ADAM12: variants seen among roughly 807,000 people sequenced by gnomAD.
The protein encoded by ADAM12 is ADAM metallopeptidase domain 12.
ADAM12 carries 70 observed loss-of-function variants against 106.4 expected under a neutral mutation model. The ratio of observed to expected loss-of-function variants is 0.66; its 90% CI spans 0.54 to 0.80. ADAM12 has a LOEUF of 0.80. Ranked by LOEUF, ADAM12 falls within the 30% of genes least tolerant of loss-of-function variation. The pLI is 0.00. For missense variants in ADAM12, 1,010 were observed against 1,171.9 expected (o/e 0.86, Z 2.02); for synonymous variants, 420 against 433.5 (o/e 0.97, Z 0.39).
chr10:126,359,280 C>G (rs1462511259), intron 1 of ADAM12, among the ~76,000 whole-genome samples: 32 of 152,282 alleles, frequency 2.1e-4, no homozygotes, highest in Non-Finnish European at 8.8e-5. Flanking sequence ...CCTCACATTT[C>G]AAAACCAATC....
chr10:126,209,153 A>G (rs1259285381), intron 3 of ADAM12, among the ~76,000 whole-genome samples: 1 of 152,250 alleles, frequency 6.6e-6, no homozygotes, highest in Non-Finnish European at 1.5e-5. Context: ...CTATCAACAT[A>G]GGAGGGATAT....
chr10:126,110,968 C>T (rs565216483), intron 6 of ADAM12, among the ~76,000 whole-genome samples: 2 of 152,318 alleles, frequency 1.3e-5, no homozygotes, highest in Admixed American at 6.5e-5. Flanking sequence ...TATAACCACT[C>T]TTTCAGACAA....
chr10:126,237,696 T>C (rs182430829), intron 3 of ADAM12, among the ~76,000 whole-genome samples: 12 of 152,340 alleles, frequency 7.9e-5, no homozygotes, highest in Non-Finnish European at 1.8e-4. Context: ...ATGAAAATCA[T>C]ACGTTTGTAG....
chr10:126,125,734 G>A (rs934100850), intron 5 of ADAM12, among the ~76,000 whole-genome samples: 2 of 151,766 alleles, frequency 1.3e-5, no homozygotes, highest in African/African-American at 4.8e-5. Flanking sequence ...ACCTTATTGC[G>A]AAAAGGGACT....
At position 126,312,131 on chromosome 10, in the gene ADAM12, G is replaced by GAA. The variant is rs35783742; in HGVS notation, c.186+18279_186+18280dup. ...CAAAGTTGGAGAATTGGTTGGTGTG[G>GAA]AAAAAAAAAAAAAAAAAAAAACCCA... On this transcript the variant is annotated intron_variant, in intron 2 of 22. Transcript: ENST00000448723. 8.2e-3 allele frequency among the ~76,000 whole-genome samples: 1,010 copies of GAA among 123,890 alleles called. 14 individuals are homozygous for GAA. The highest frequency in any genetic ancestry group is 0.016 in the East Asian group (67 of 4,066). 81.3% of individuals were successfully genotyped at this position (123,890 alleles called of 152,430 possible).
intron 2 of ADAM12, among the ~76,000 whole-genome samples, chr10:126,306,691 T>C (rs1375813030): frequency 6.6e-6 from 1 of 152,238 alleles, no homozygotes; most frequent in East Asian, 1.9e-4. Context: ...TTCCAAGATA[T>C]CTTTCCATTT....
chr10:126,143,354 T>C (rs62653094), intron 4 of ADAM12, among the ~76,000 whole-genome samples: 29,399 of 149,900 alleles, frequency 0.2, 3,295 homozygotes, highest in Non-Finnish European at 0.26. Context: ...TGCATGTGTG[T>C]ATATATACAT....
At chr10:126,158,926 G>A (rs1298218379) in intron 3 of ADAM12, among the ~76,000 whole-genome samples, 1 of 150,444 alleles carries the variant, frequency 6.6e-6, no homozygotes, top group East Asian at 2.0e-4. Flanking sequence ...GCATGGAGGG[G>A]GGATGCACAG....
rs374244932 is a variant in ADAM12, at chr10:126,049,227, G to A, written c.1917+26C>T. The A allele has an allele frequency of 1.6e-5, 25 of 1,612,492 alleles. No individual in the cohort carries two copies. Among genetic ancestry groups the A allele is most frequent in the Non-Finnish European group, 2.0e-5 (24 of 1,179,692 alleles). The stretch of plus-strand genomic sequence containing the variant: ...GGCCCTGTTCCAGACTTACATTTAT[G>A]ATCCAAGCAAACATTTGGGTCTTAC... On this transcript the variant is annotated intron_variant, in intron 16 of 22. Transcript: ENST00000448723. This position sits in a 1 kb window ranked among gnomAD's most constrained non-coding sequence, Gnocchi z 4.4.
intron 17 of ADAM12, among the ~76,000 whole-genome samples, chr10:126,044,561 T>G (rs10901524): frequency 0.13 from 19,106 of 152,238 alleles, 1,301 homozygotes; most frequent in Middle Eastern, 0.28. Context: ...AAATCAATCC[T>G]AAAGGCCTCA....
intron 10 of ADAM12, among the ~76,000 whole-genome samples, chr10:126,097,079 T>G (rs554642980): frequency 6.6e-6 from 1 of 152,282 alleles, no homozygotes; most frequent in African/African-American, 2.4e-5. Context: ...GAACTTACCA[T>G]GCTTATGAAG....
At chr10:126,293,102 G>T (rs891020532) in intron 2 of ADAM12, among the ~76,000 whole-genome samples, 2 of 152,214 alleles carry the variant, frequency 1.3e-5, no homozygotes, top group Non-Finnish European at 2.9e-5. Context: ...GGCTCCTTCA[G>T]CCTGTAGCTC....
intron 2 of ADAM12, among the ~76,000 whole-genome samples, chr10:126,298,199 C>G (rs554680808): frequency 6.6e-6 from 1 of 151,312 alleles, no homozygotes; most frequent in African/African-American, 2.4e-5. Context: ...AAGTGAACAC[C>G]GAGAAGATAA....
chr10:126,096,734 G>A (rs1207781855), intron 10 of ADAM12, among the ~76,000 whole-genome samples: 1 of 152,226 alleles, frequency 6.6e-6, no homozygotes, highest in Admixed American at 6.5e-5. Context: ...CAAAGGTGCT[G>A]AGGCATTTTT....
chr10:126,314,812 T>C (rs1409768527), intron 2 of ADAM12, among the ~76,000 whole-genome samples: 1 of 152,096 alleles, frequency 6.6e-6, no homozygotes, highest in Non-Finnish European at 1.5e-5. Flanking sequence ...TAATAGTCAC[T>C]TGCAAACATA....
intron 6 of ADAM12, among the ~76,000 whole-genome samples, chr10:126,115,450 T>C (rs1405246569): frequency 6.6e-6 from 1 of 152,150 alleles, no homozygotes; most frequent in Non-Finnish European, 1.5e-5. Flanking sequence ...GAGAACGAGC[T>C]GACTGTGACG....
intron 4 of ADAM12, among the ~76,000 whole-genome samples, chr10:126,139,170 T>C (rs1956462975): frequency 6.6e-6 from 1 of 152,212 alleles, no homozygotes. Flanking sequence ...TGGGAAGAAC[T>C]TATATTTTCA....
At chr10:126,091,705 C>A (rs1955468105) in intron 11 of ADAM12, among the ~76,000 whole-genome samples, 2 of 152,176 alleles carry the variant, frequency 1.3e-5, no homozygotes, top group Admixed American at 6.5e-5. Flanking sequence ...GGCTTGCATT[C>A]TTCAGCACTG....
At chr10:126,082,294 A>G (rs1955234659) in intron 11 of ADAM12, among the ~76,000 whole-genome samples, 1 of 149,198 alleles carries the variant, frequency 6.7e-6, no homozygotes. Context: ...AAGTCCAGGC[A>G]CTGAGCTCAG....
Sources: gnomAD v4.1 joint callset for allele counts (sites outside exome capture counted in the v4.1 genomes callset) on GRCh38, gnomAD v4.1.1 for gene constraint, Gnocchi (gnomAD v3.1) non-coding constraint, MANE v1.5 for transcripts, NCBI Gene and HGNC (gene_info 2026-07-23, HGNC 2026-07-21) for gene names.